The following SCAPER variants were observed in gnomAD, a reference collection of about 807,000 sequenced individuals.
SCAPER encodes S phase cyclin A-associated protein in the endoplasmic reticulum.
Under a neutral mutation model 182.2 loss-of-function variants are expected in SCAPER, and 98 were observed. That is an observed-to-expected ratio of 0.54 (90% CI 0.46 to 0.64). The LOEUF (loss-of-function observed/expected upper bound fraction) is 0.64, where lower values mean the gene tolerates loss of function less well. Among genes scored for constraint, SCAPER ranks in the 30% least tolerant of loss-of-function variants. SCAPER has a pLI of 0.00. For synonymous variants in SCAPER, 605 were observed against 564.6 expected (o/e 1.07, Z -1.01); for missense variants, 1,432 against 1,690.0 (o/e 0.85, Z 2.68).
chr15:76,733,508 G>A, intron 15 of SCAPER, 124 bp from the exon 16 acceptor site: 6 of 1,149,812 alleles, frequency 5.2e-6, no homozygotes, highest in Non-Finnish European at 7.1e-6. Context: ...TAGCACTTTG[G>A]GAGGCTGAGG....
chr15:76,378,836 C>T (rs2042744722), intron 28 of SCAPER, among the ~76,000 whole-genome samples: 1 of 152,176 alleles, frequency 6.6e-6, no homozygotes, highest in Non-Finnish European at 1.5e-5. Context: ...GCCCAAGTCA[C>T]ATGGAGAAGC....
intron 23 of SCAPER, among the ~76,000 whole-genome samples, chr15:76,527,289 GT>G (rs1254495256): frequency 6.6e-6 from 1 of 152,192 alleles, no homozygotes; most frequent in Non-Finnish European, 1.5e-5. Context: ...CATGTTTGTA[GT>G]TTTGGTTTGC....
chr15:76,410,927 T>C (rs1398083085), intron 26 of SCAPER, among the ~76,000 whole-genome samples: 1 of 152,198 alleles, frequency 6.6e-6, no homozygotes, highest in Non-Finnish European at 1.5e-5. Flanking sequence ...TTCTCTCTGC[T>C]GTCACTGTGA....
intron 21 of SCAPER, among the ~76,000 whole-genome samples, chr15:76,626,105 A>G (rs1038214111): frequency 6.6e-6 from 1 of 152,096 alleles, no homozygotes; most frequent in African/African-American, 2.4e-5. Context: ...GATGTGCACT[A>G]GACAAGCTTG....
intron 5 of SCAPER, among the ~76,000 whole-genome samples, chr15:76,829,654 C>CCA (rs1170891016): frequency 2.0e-5 from 3 of 152,048 alleles, no homozygotes; most frequent in African/African-American, 7.2e-5. Flanking sequence ...ATCCATATAC[C>CCA]CACCATCTTT....
At chr15:76,648,067 A>G (rs1259367604) in intron 21 of SCAPER, among the ~76,000 whole-genome samples, 1 of 152,196 alleles carries the variant, frequency 6.6e-6, no homozygotes, top group Non-Finnish European at 1.5e-5. Flanking sequence ...AAATACTAAT[A>G]ACAAAATTAC....
chr15:76,768,022 C>T (rs2063213408), intron 10 of SCAPER, among the ~76,000 whole-genome samples: 1 of 151,992 alleles, frequency 6.6e-6, no homozygotes, highest in Non-Finnish European at 1.5e-5. Flanking sequence ...CAAAACAGTC[C>T]TAAATGTTTA....
At chr15:76,374,158 G>A (rs1370953958) in intron 29 of SCAPER, among the ~76,000 whole-genome samples, 2 of 152,026 alleles carry the variant, frequency 1.3e-5, no homozygotes, top group East Asian at 3.9e-4. Flanking sequence ...GGGAGGCCAA[G>A]GTAGGTGGAT....
chr15:76,398,940 GTTGGTTTCAATTTATAATCACTCA>G (rs1346149753), intron 27 of SCAPER, among the ~76,000 whole-genome samples: 1 of 152,092 alleles, frequency 6.6e-6, no homozygotes, highest in African/African-American at 2.4e-5. Flanking sequence ...AACAGCCCAT[GTTGGTTTCAATTTATAATCACTCA>G]TTATTATGCT....
chr15:76,670,283 T>C (rs377504791), intron 20 of SCAPER, among the ~76,000 whole-genome samples: 2 of 152,024 alleles, frequency 1.3e-5, no homozygotes, highest in South Asian at 2.1e-4. Context: ...TTTTTAAAAA[T>C]AGGTTCTCCC....
At chr15:76,511,924 C>T (rs2042082325) in intron 23 of SCAPER, among the ~76,000 whole-genome samples, 1 of 148,156 alleles carries the variant, frequency 6.7e-6, no homozygotes, top group Non-Finnish European at 1.5e-5. Flanking sequence ...GCTCTGTCAC[C>T]CAGGCTGGGG....
intron 26 of SCAPER, among the ~76,000 whole-genome samples, chr15:76,428,582 G>T (rs1037601902): frequency 1.3e-5 from 2 of 151,996 alleles, no homozygotes; most frequent in African/African-American, 4.8e-5. Flanking sequence ...ACGAGAAGTT[G>T]AAGTTGGTAT....
At chr15:76,836,232 ATG>A (rs2068939892) in intron 5 of SCAPER, among the ~76,000 whole-genome samples, 1 of 152,138 alleles carries the variant, frequency 6.6e-6, no homozygotes. Context: ...TCTAAACCTC[ATG>A]TGGAACCAAA....
intron 27 of SCAPER, among the ~76,000 whole-genome samples, chr15:76,396,130 T>C (rs779811203): frequency 6.6e-6 from 1 of 152,220 alleles, no homozygotes; most frequent in Non-Finnish European, 1.5e-5. Flanking sequence ...TTGTCAAAAA[T>C]GAGTTCACTG....
At chr15:76,875,926 GC>G (rs1201679501) in intron 2 of SCAPER, among the ~76,000 whole-genome samples, 60 of 151,544 alleles carry the variant, frequency 4.0e-4, no homozygotes, top group Middle Eastern at 3.4e-3. Context: ...ACGGTGGGGG[GC>G]GGGGTCAGGC....
chr15:76,734,740 T>C (rs1195280936), intron 15 of SCAPER, among the ~76,000 whole-genome samples: 1 of 152,054 alleles, frequency 6.6e-6, no homozygotes, highest in Non-Finnish European at 1.5e-5. Context: ...CCGGATGTGG[T>C]GGCAGGCACC....
intron 14 of SCAPER, among the ~76,000 whole-genome samples, chr15:76,758,185 G>C (rs1260679152): frequency 6.6e-6 from 1 of 151,746 alleles, no homozygotes; most frequent in African/African-American, 2.4e-5. Context: ...AGGTTTTTCT[G>C]CAAGTTTTTT....
intron 26 of SCAPER, among the ~76,000 whole-genome samples, chr15:76,425,910 G>A (rs958151511): frequency 2.0e-5 from 3 of 152,196 alleles, no homozygotes; most frequent in Admixed American, 6.5e-5. Context: ...TATCAGCAGC[G>A]GAGGCTGCAG....
intron 3 of SCAPER, among the ~76,000 whole-genome samples, chr15:76,860,394 A>G (rs1169043323): frequency 6.6e-6 from 1 of 152,208 alleles, no homozygotes; most frequent in Non-Finnish European, 1.5e-5. Context: ...CCTCTATTTG[A>G]TAGTTTTTGT....
Sources: gnomAD v4.1 joint callset for allele counts (sites outside exome capture counted in the v4.1 genomes callset) on GRCh38, gnomAD v4.1.1 for gene constraint, MANE v1.5 for transcripts, NCBI Gene and HGNC (gene_info 2026-07-23, HGNC 2026-07-21) for gene names.